The following AGBL1 variants were observed in gnomAD, a reference collection of about 807,000 sequenced individuals.
AGBL1 encodes cytosolic carboxypeptidase 4.
A neutral mutation model predicts 118.9 loss-of-function variants in AGBL1; 130 were observed. The observed-to-expected ratio is 1.09, with a 90% CI of 0.95 to 1.26. The LOEUF (loss-of-function observed/expected upper bound fraction) is 1.26, where lower values mean the gene tolerates loss of function less well. Among genes scored for constraint, AGBL1 ranks in the 50% most tolerant of loss-of-function variants. The pLI is 0.00. For missense variants in AGBL1, 1,584 were observed against 1,298.1 expected (o/e 1.22, Z -3.38); for synonymous variants, 555 against 478.9 (o/e 1.16, Z -2.08).
chr15:86,117,498 T>A (rs1394145646), intron 1 of AGBL1, among the ~76,000 whole-genome samples: 1 of 152,190 alleles, frequency 6.6e-6, no homozygotes, highest in Non-Finnish European at 1.5e-5. Context: ...CTAGATACTT[T>A]ACACAATTAT....
At chr15:86,801,658 A>G (rs2078652041) in intron 22 of AGBL1, among the ~76,000 whole-genome samples, 1 of 152,152 alleles carries the variant, frequency 6.6e-6, no homozygotes, top group Admixed American at 6.6e-5. Flanking sequence ...CCTTCAACAT[A>G]GAGATAACTA....
At chr15:86,100,375 A>G (rs1219280236) in intron 1 of AGBL1, among the ~76,000 whole-genome samples, 3 of 152,060 alleles carry the variant, frequency 2.0e-5, no homozygotes, top group Non-Finnish European at 2.9e-5. Flanking sequence ...CACCTCTTCA[A>G]TTTTTTGGAA....
At position 86,891,630 on chromosome 15, in the gene AGBL1, A is replaced by G. The variant is rs530331321; in HGVS notation, c.3159-15457A>G. Reference sequence around the variant, plus strand: ...TGGGTATCTTTTGAATGCTGAAACAATAGTAGCTTGAGCAACAGCACCATC... The same window carrying G: ...TGGGTATCTTTTGAATGCTGAAACAGTAGTAGCTTGAGCAACAGCACCATC... On this transcript the variant is annotated intron_variant, in intron 22 of 22. Coordinates refer to ENST00000614907, the MANE Select transcript of AGBL1 (RefSeq NM_001386094.1). 2.6e-3 allele frequency among the ~76,000 whole-genome samples: 400 copies of G among 152,110 alleles called. 1 individual carries two copies. The highest frequency in any genetic ancestry group is 3.2e-3 in the Non-Finnish European group (218 of 67,958).
At chr15:86,181,275 T>C (rs2077549020) in intron 5 of AGBL1, among the ~76,000 whole-genome samples, 1 of 152,128 alleles carries the variant, frequency 6.6e-6, no homozygotes, top group Admixed American at 6.5e-5. Context: ...AATCCTTACA[T>C]GTATCAAGTG....
intron 21 of AGBL1, among the ~76,000 whole-genome samples, chr15:86,590,363 C>T (rs970271090): frequency 6.6e-6 from 1 of 152,092 alleles, no homozygotes; most frequent in Non-Finnish European, 1.5e-5. Flanking sequence ...AGAGTGAGTT[C>T]TCACAAGATC....
chr15:86,640,869 C>T (rs902436416), intron 21 of AGBL1, among the ~76,000 whole-genome samples: 1 of 152,068 alleles, frequency 6.6e-6, no homozygotes, highest in Non-Finnish European at 1.5e-5. Flanking sequence ...TCTTATCCCA[C>T]CCTCAGTGAC....
chr15:86,885,967 A>G (rs2079963663), intron 22 of AGBL1, among the ~76,000 whole-genome samples: 1 of 152,246 alleles, frequency 6.6e-6, no homozygotes, highest in Admixed American at 6.5e-5. Context: ...TGAAACCTAA[A>G]GGCCTGATAG....
intron 18 of AGBL1, among the ~76,000 whole-genome samples, chr15:86,482,461 TA>T (rs1567017695): frequency 6.6e-6 from 1 of 152,150 alleles, no homozygotes; most frequent in Non-Finnish European, 1.5e-5. Context: ...TACTTTGGAT[TA>T]AAAAAATAAT....
At chr15:86,459,125 A>G (rs1420104832) in intron 18 of AGBL1, among the ~76,000 whole-genome samples, 1 of 152,162 alleles carries the variant, frequency 6.6e-6, no homozygotes, top group East Asian at 1.9e-4. Flanking sequence ...ACGTGTTGAC[A>G]TGGAGCATGT....
chr15:86,815,223 T>C (rs2141375061), intron 22 of AGBL1, among the ~76,000 whole-genome samples: 1 of 152,346 alleles, frequency 6.6e-6, no homozygotes, highest in Non-Finnish European at 1.5e-5. Context: ...CAAAAATTTT[T>C]ATGTATTAGA....
chr15:86,387,648 T>C (rs901877686), intron 17 of AGBL1, among the ~76,000 whole-genome samples: 18 of 152,216 alleles, frequency 1.2e-4, no homozygotes, highest in African/African-American at 4.1e-4. Flanking sequence ...AAAAGATTTG[T>C]AGGCTGCCAA....
intron 6 of AGBL1, among the ~76,000 whole-genome samples, chr15:86,242,013 A>G (rs769071744): frequency 2.8e-4 from 42 of 152,112 alleles, no homozygotes; most frequent in Non-Finnish European, 5.0e-4. Context: ...TTCTTATGAT[A>G]GTTAATAAGT....
chr15:86,562,287 A>G (rs1179783692), intron 21 of AGBL1, among the ~76,000 whole-genome samples: 1 of 152,164 alleles, frequency 6.6e-6, no homozygotes, highest in Non-Finnish European at 1.5e-5. Context: ...GTTTGTCATA[A>G]ATAGCTCTTA....
In AGBL1 at chr15:86,318,085, G is replaced by T. The variant is rs1321698035; in HGVS notation, c.2374+22677G>T. On this transcript the variant is annotated intron_variant, in intron 17 of 22. Coordinates refer to ENST00000614907, the MANE Select transcript of AGBL1 (RefSeq NM_001386094.1). ...TTCTGGGCATTGGGAATACAGCAGT[G>T]CATGAATGTCTGTCATCAAAAGTTT... 2.0e-5 allele frequency among the ~76,000 whole-genome samples: 3 copies of T among 152,328 alleles called. No individual in the cohort carries two copies. In the East Asian group the frequency reaches 5.8e-4, roughly 29 times the overall value.
chr15:86,593,693 C>G (rs1283024445), intron 21 of AGBL1, among the ~76,000 whole-genome samples: 1 of 152,148 alleles, frequency 6.6e-6, no homozygotes, highest in Non-Finnish European at 1.5e-5. Flanking sequence ...ACTGAAATCA[C>G]TAACCATAAT....
At chr15:86,166,185 C>A (rs891836553) in intron 5 of AGBL1, among the ~76,000 whole-genome samples, 1 of 152,190 alleles carries the variant, frequency 6.6e-6, no homozygotes, top group South Asian at 2.1e-4. Context: ...CTGCATATTA[C>A]AAAACAAACA....
chr15:86,532,400 C>A (rs1018289432), intron 19 of AGBL1, among the ~76,000 whole-genome samples: 11 of 142,504 alleles, frequency 7.7e-5, no homozygotes, highest in Admixed American at 4.9e-4. Context: ...ATCCAACTTA[C>A]AAGGGATGTG....
At chr15:86,835,758 A>G (rs1190728029) in intron 22 of AGBL1, among the ~76,000 whole-genome samples, 1 of 152,116 alleles carries the variant, frequency 6.6e-6, no homozygotes, top group East Asian at 1.9e-4. Context: ...ATAGTAGGAG[A>G]CCTGGGCAGG....
chr15:86,269,856 A>G, intron 13 of AGBL1, 63 bp from the exon 14 acceptor site: 9 of 1,551,030 alleles, frequency 5.8e-6, no homozygotes, highest in South Asian at 2.4e-5. Context: ...GTAGATTCTT[A>G]GTGTCTGAAG....
Sources: gnomAD v4.1 joint callset for allele counts (sites outside exome capture counted in the v4.1 genomes callset) on GRCh38, gnomAD v4.1.1 for gene constraint, MANE v1.5 for transcripts, NCBI Gene and HGNC (gene_info 2026-07-23, HGNC 2026-07-21) for gene names.